TRMT11: variants seen among roughly 807,000 people sequenced by gnomAD.
TRMT11 encodes the protein tRNA methyltransferase 11.
In TRMT11, 53 loss-of-function variants were observed where a neutral mutation model predicts 62.8. That is an observed-to-expected ratio of 0.84 (90% CI 0.68 to 1.06). The LOEUF (loss-of-function observed/expected upper bound fraction) is 1.06, where lower values mean the gene tolerates loss of function less well. TRMT11 is among the 50% of genes least tolerant of loss of function. The pLI is 0.00. For synonymous variants in TRMT11, 188 were observed against 190.3 expected (o/e 0.99, Z 0.10); for missense variants, 556 against 553.4 (o/e 1.00, Z -0.05).
intron 17 of TRMT11, among the ~76,000 whole-genome samples, chr6:126,068,585 A>G (rs949789450): frequency 2.6e-5 from 4 of 152,200 alleles, no homozygotes; most frequent in Admixed American, 6.5e-5. Context: ...TTCTTATTCC[A>G]TCAATACAAT....
intron 11 of TRMT11, 24 bp from the exon 12 acceptor site, chr6:126,021,136 A>G (rs1795747628): frequency 1.2e-6 from 2 of 1,613,468 alleles, no homozygotes; most frequent in East Asian, 2.2e-5. Flanking sequence ...GAGTGTTCCT[A>G]ACAGTCAGCT....
the TRMT11 span, among the ~76,000 whole-genome samples, chr6:126,245,955 GAA>G: frequency 6.6e-5 from 10 of 152,098 alleles, no homozygotes; most frequent in Non-Finnish European, 1.3e-4. Context: ...GAAAAGAAAA[GAA>G]ATTAAATTAA....
In TRMT11 at chr6:126,102,794, A is replaced by G. The variant is rs1404815763; in HGVS notation, c.*1438-10072A>G. Among the ~76,000 whole-genome samples, 4 of 152,178 alleles carry G rather than the reference A, an allele frequency of 2.6e-5. No homozygotes were observed. In the East Asian group the frequency reaches 7.7e-4, roughly 29 times the overall value. On this transcript the variant is annotated intron_variant and NMD_transcript_variant, in intron 17 of 22. Transcript: ENST00000648977. ...TCTACTGGCAATAATAATAGCAAAC[A>G]TGTATCAGGTTCTTACTGTGCTAAG... is the stretch of plus-strand genomic sequence containing the variant.
At chr6:126,111,886 T>G (rs10457475) in intron 17 of TRMT11, among the ~76,000 whole-genome samples, 31,930 of 152,036 alleles carry the variant, frequency 0.21, 6,893 homozygotes, top group African/African-American at 0.56. Context: ...ATAAATTGGG[T>G]ATATGATGCC....
intron 18 of TRMT11, among the ~76,000 whole-genome samples, chr6:126,113,068 A>G (rs1394460805): frequency 6.6e-6 from 1 of 152,084 alleles, no homozygotes; most frequent in Non-Finnish European, 1.5e-5. Flanking sequence ...CCTGGCCTTC[A>G]GGTACTCACA....
At chr6:126,232,582 G>A in the TRMT11 span, among the ~76,000 whole-genome samples, 1 of 152,144 alleles carries the variant, frequency 6.6e-6, no homozygotes, top group African/African-American at 2.4e-5. Flanking sequence ...TGATGAAAAT[G>A]AGTAGGGCAG....
chr6:125,996,087 A>G (rs1791459969), intron 3 of TRMT11, 47 bp downstream of exon 3: 2 of 1,288,120 alleles, frequency 1.6e-6, no homozygotes, highest in African/African-American at 1.5e-5. Context: ...GGTACTTCTC[A>G]TAACCACTCA....
At chr6:126,136,995 T>A (rs1407253783) in intron 21 of TRMT11, among the ~76,000 whole-genome samples, 1 of 151,324 alleles carries the variant, frequency 6.6e-6, no homozygotes, top group Non-Finnish European at 1.5e-5. Context: ...TAACTCAAAT[T>A]GGATTAAAGA....
chr6:126,058,078 T>C (rs1776422216), intron 17 of TRMT11, among the ~76,000 whole-genome samples: 1 of 152,080 alleles, frequency 6.6e-6, no homozygotes, highest in Non-Finnish European at 1.5e-5. Context: ...CTACATTAGG[T>C]ATTTCTCCTA....
chr6:126,055,956 G>T (rs1054591356), intron 17 of TRMT11, among the ~76,000 whole-genome samples: 3 of 152,028 alleles, frequency 2.0e-5, no homozygotes, highest in Non-Finnish European at 4.4e-5. Flanking sequence ...CCAGCTCCCT[G>T]CCTTGAGACA....
intron 12 of TRMT11, among the ~76,000 whole-genome samples, chr6:126,024,073 C>G (rs922910095): frequency 1.3e-5 from 2 of 152,192 alleles, no homozygotes; most frequent in African/African-American, 4.8e-5. Context: ...GAAGCCAAAA[C>G]TAGAATTCTT....
At chr6:126,034,225 G>A (rs1774744741) in intron 12 of TRMT11, among the ~76,000 whole-genome samples, 1 of 152,064 alleles carries the variant, frequency 6.6e-6, no homozygotes, top group Admixed American at 6.6e-5. Context: ...GTGATTTGTG[G>A]TAGATTATTT....
chr6:126,145,595 A>G (rs1777965458), intron 21 of TRMT11, among the ~76,000 whole-genome samples: 1 of 152,078 alleles, frequency 6.6e-6, no homozygotes, highest in Non-Finnish European at 1.5e-5. Context: ...CTCCCCAGTA[A>G]TGTAAGGAGA....
chr6:126,092,378 C>G (rs1045435093), intron 17 of TRMT11, among the ~76,000 whole-genome samples: 1 of 152,020 alleles, frequency 6.6e-6, no homozygotes, highest in Admixed American at 6.6e-5. Flanking sequence ...TGGTGGCAGG[C>G]AAGAGAGAGA....
chr6:126,269,405 A>G, the TRMT11 span, among the ~76,000 whole-genome samples: 1 of 152,184 alleles, frequency 6.6e-6, no homozygotes, highest in Non-Finnish European at 1.5e-5. Context: ...AGAAATTTTA[A>G]AAAGATAGAA....
chr6:126,207,164 A>G (rs1778798529), downstream of TRMT11, among the ~76,000 whole-genome samples: 1 of 152,206 alleles, frequency 6.6e-6, no homozygotes, highest in Non-Finnish European at 1.5e-5. Flanking sequence ...AGGGCTCAAG[A>G]CAAGACCAAT....
chr6:126,222,748 A>G, the TRMT11 span, among the ~76,000 whole-genome samples: 57 of 152,162 alleles, frequency 3.7e-4, no homozygotes, highest in Non-Finnish European at 1.5e-4. Flanking sequence ...TGTCTTAAAG[A>G]CAGCATATAG....
At chr6:126,264,607 G>A in the TRMT11 span, among the ~76,000 whole-genome samples, 1 of 152,186 alleles carries the variant, frequency 6.6e-6, no homozygotes, top group African/African-American at 2.4e-5. Flanking sequence ...AATAGATATT[G>A]AGTAAAAGAG....
intron 17 of TRMT11, among the ~76,000 whole-genome samples, chr6:126,061,443 A>G (rs1183937600): frequency 6.6e-6 from 1 of 151,878 alleles, no homozygotes; most frequent in Non-Finnish European, 1.5e-5. Context: ...CTCTGAAATC[A>G]TTTGTCTTGC....
Sources: allele counts gnomAD v4.1 joint callset (sites outside exome capture counted in the v4.1 genomes callset), GRCh38; gene constraint gnomAD v4.1.1; transcripts MANE v1.5; gene names NCBI Gene and HGNC (gene_info 2026-07-23, HGNC 2026-07-21).